SPAG17: variants seen among roughly 807,000 people sequenced by gnomAD.
SPAG17 encodes the protein sperm associated antigen 17.
SPAG17 carries 169 observed loss-of-function variants against 273.6 expected under a neutral mutation model. The observed-to-expected ratio is 0.62, with a 90% CI of 0.55 to 0.70. The LOEUF is 0.70. Ranked by LOEUF, SPAG17 falls within the 30% of genes least tolerant of loss-of-function variation. The pLI, the probability that SPAG17 is intolerant of heterozygous loss-of-function variation, is 0.00. For missense variants in SPAG17, 2,557 were observed against 2,627.8 expected (o/e 0.97, Z 0.59); for synonymous variants, 825 against 873.2 (o/e 0.94, Z 0.97).
intron 45 of SPAG17, among the ~76,000 whole-genome samples, chr1:117,970,770 G>A (rs1571099050): frequency 1.3e-5 from 2 of 152,120 alleles, no homozygotes; most frequent in African/African-American, 4.8e-5. Context: ...CTGCTCTATC[G>A]TGGCTGAATT....
intron 20 of SPAG17, among the ~76,000 whole-genome samples, chr1:118,046,892 A>C (rs1650418258): frequency 6.6e-6 from 1 of 152,170 alleles, no homozygotes; most frequent in Admixed American, 6.5e-5. Flanking sequence ...GCAAGAAAGG[A>C]GGAAAAGAAA....
At chr1:118,154,114 A>G (rs938478748) in intron 1 of SPAG17, among the ~76,000 whole-genome samples, 1 of 152,086 alleles carries the variant, frequency 6.6e-6, no homozygotes, top group African/African-American at 2.4e-5. Context: ...CCCAGGCGAG[A>G]GCACGTTCAG....
At chr1:118,126,043 G>GTTTTTT (rs33966143) in intron 3 of SPAG17, among the ~76,000 whole-genome samples, 1 of 136,750 alleles carries the variant, frequency 7.3e-6, no homozygotes, top group Admixed American at 7.3e-5. Flanking sequence ...GTTATTTTCT[G>GTTTTTT]TTTTTTTTTT....
At chr1:117,978,115 G>A (rs1039575412) in intron 43 of SPAG17, among the ~76,000 whole-genome samples, 1 of 152,186 alleles carries the variant, frequency 6.6e-6, no homozygotes, top group Admixed American at 6.5e-5. Flanking sequence ...ATATCCAGCA[G>A]GCGATTATTT....
At chr1:118,085,529 TGC>T (rs556468067) in intron 13 of SPAG17, among the ~76,000 whole-genome samples, 188 of 151,686 alleles carry the variant, frequency 1.2e-3, no homozygotes, top group African/African-American at 4.3e-3. Flanking sequence ...TGCATACGCG[TGC>T]GCGCGCGCAC....
At chr1:118,060,341 C>T (rs1359351740) in intron 18 of SPAG17, among the ~76,000 whole-genome samples, 7 of 151,606 alleles carry the variant, frequency 4.6e-5, no homozygotes, top group African/African-American at 1.7e-4. Context: ...GAGATGTGGT[C>T]TTGATATCTT....
chr1:118,096,008 T>C (rs1655681920), intron 7 of SPAG17, among the ~76,000 whole-genome samples: 1 of 152,158 alleles, frequency 6.6e-6, no homozygotes, highest in African/African-American at 2.4e-5. Flanking sequence ...ATCACAGCTT[T>C]TCTACATTCA....
intron 3 of SPAG17, among the ~76,000 whole-genome samples, chr1:118,144,244 G>A (rs1444454005): frequency 6.6e-6 from 1 of 152,212 alleles, no homozygotes; most frequent in Non-Finnish European, 1.5e-5. Context: ...CTGCCCCTCA[G>A]TGACTAGCTT....
At chr1:118,130,462 G>C (rs757554249) in intron 3 of SPAG17, among the ~76,000 whole-genome samples, 8 of 152,148 alleles carry the variant, frequency 5.3e-5, no homozygotes, top group Non-Finnish European at 8.8e-5. Flanking sequence ...ACCAACTCTG[G>C]GGTTTTCCAG....
chr1:118,043,891 T>A (rs2101941935), intron 20 of SPAG17, among the ~76,000 whole-genome samples: 1 of 152,320 alleles, frequency 6.6e-6, no homozygotes, highest in South Asian at 2.1e-4. Context: ...TTCACTTTTG[T>A]CTTACTTGTT....
chr1:117,992,648 T>C lies in SPAG17; in HGVS notation c.5179A>G (p.Lys1727Glu). 1.3e-6 allele frequency: 2 copies of C among 1,583,510 alleles called. No individual in the cohort carries two copies. Among genetic ancestry groups the C allele is most frequent in the Non-Finnish European group, 1.7e-6 (2 of 1,169,556 alleles). Residue 1727 changes from lysine (K) to glutamate (E), a missense_variant and splice_region_variant, in exon 36 of 49, where the codon AAA (lysine) becomes GAA (glutamate). By Grantham distance (56) the Lys-to-Glu change is moderately conservative. Transcript: ENST00000336338. Reference sequence around the variant, plus strand: ...CCAAACGGAGGTCCTGGAGTTTTTTTCTGTTAACAAAACAAAGCAATAACA... The same window carrying C: ...CCAAACGGAGGTCCTGGAGTTTTTTCCTGTTAACAAAACAAAGCAATAACA... ...RSWETFPSVE[K>E]KTPGPPFGTQ...
intron 20 of SPAG17, among the ~76,000 whole-genome samples, chr1:118,043,253 T>C (rs1002923768): frequency 6.6e-6 from 1 of 152,182 alleles, no homozygotes; most frequent in Non-Finnish European, 1.5e-5. Context: ...GCCTGAGACA[T>C]TTCGAGAGTT....
At chr1:118,036,688 C>A (rs865876332) in intron 24 of SPAG17, 82 bp downstream of exon 24, 1 of 873,434 alleles carries the variant, frequency 1.1e-6, no homozygotes, top group Middle Eastern at 2.3e-4. Flanking sequence ...ATGTTATTGA[C>A]AAGTGAGCAG....
chr1:118,095,927 A>C (rs1412979095), intron 7 of SPAG17, among the ~76,000 whole-genome samples: 2 of 152,054 alleles, frequency 1.3e-5, no homozygotes, highest in Non-Finnish European at 2.9e-5. Flanking sequence ...ATCTAGATGA[A>C]GGGGTGGGGA....
chr1:118,041,457 G>A (rs1372647186), intron 21 of SPAG17, among the ~76,000 whole-genome samples: 1 of 151,922 alleles, frequency 6.6e-6, no homozygotes, highest in African/African-American at 2.4e-5. Context: ...ACAAAATGTA[G>A]TCAGCAAGTC....
intron 43 of SPAG17, among the ~76,000 whole-genome samples, chr1:117,980,823 T>C (rs562432799): frequency 2.0e-5 from 3 of 152,338 alleles, no homozygotes; most frequent in Admixed American, 6.5e-5. Flanking sequence ...TAAGATTATG[T>C]GCTATGTAAG....
intron 15 of SPAG17, among the ~76,000 whole-genome samples, chr1:118,077,370 G>C (rs558770558): frequency 1.3e-5 from 2 of 151,904 alleles, no homozygotes; most frequent in Non-Finnish European, 2.9e-5. Flanking sequence ...TCCAGATTGC[G>C]TGGCCTCTAG....
chr1:118,025,429 T>A lies in SPAG17; in HGVS notation c.3731-13A>T. The A allele has an allele frequency of 6.6e-7, 1 of 1,514,664 alleles. No homozygotes were observed. Among genetic ancestry groups the A allele is most frequent in the East Asian group, 2.3e-5 (1 of 42,566 alleles). 93.8% of individuals were successfully genotyped at this position (1,514,664 alleles called of 1,614,324 possible). A position where few individuals can be genotyped will look rare whatever the true frequency, so the allele number is the denominator to read the frequency against. On this transcript the variant is annotated splice_polypyrimidine_tract_variant and intron_variant, in intron 26 of 48. Coordinates refer to ENST00000336338, the MANE Select transcript of SPAG17 (RefSeq NM_206996.4). ...ATAACATATTGACCTAAAAAAAGAA[T>A]AAAGCCTTCTTGTGAACTGGACAAT...
intron 38 of SPAG17, among the ~76,000 whole-genome samples, chr1:117,989,554 C>T (rs1444212991): frequency 6.6e-6 from 1 of 151,894 alleles, no homozygotes. Flanking sequence ...CCTCCTCCCT[C>T]CAACATTGGG....
Sources: allele counts gnomAD v4.1 joint callset (sites outside exome capture counted in the v4.1 genomes callset), GRCh38; gene constraint gnomAD v4.1.1; transcripts MANE v1.5; gene names NCBI Gene and HGNC (gene_info 2026-07-23, HGNC 2026-07-21).